The following RBFOX1 variants were observed in gnomAD, a reference collection of about 807,000 sequenced individuals.
RBFOX1 encodes RNA binding protein fox-1 homolog 1.
Under a neutral mutation model 57.7 loss-of-function variants are expected in RBFOX1, and 8 were observed. The ratio of observed to expected loss-of-function variants is 0.14; its 90% CI spans 0.08 to 0.25. RBFOX1 has a LOEUF of 0.25. RBFOX1 is among the 10% of genes least tolerant of loss of function. The pLI, the probability that RBFOX1 is intolerant of heterozygous loss-of-function variation, is 1.00. For missense variants in RBFOX1, 611 were observed against 548.5 expected (o/e 1.11, Z -1.14); for synonymous variants, 326 against 222.4 (o/e 1.47, Z -4.15).
chr16:6,848,605 A>G (rs7196508), intron 3 of RBFOX1, among the ~76,000 whole-genome samples: 72,310 of 151,600 alleles, frequency 0.48, 18,276 homozygotes, highest in African/African-American at 0.64. Context: ...GAAAGAGAAG[A>G]TGTATGTGTA....
intron 3 of RBFOX1, among the ~76,000 whole-genome samples, chr16:5,657,718 C>T (rs370633565): frequency 8.2e-5 from 9 of 109,124 alleles, no homozygotes; most frequent in Admixed American, 2.3e-4. Context: ...TTCTCTCTTT[C>T]TTTTGTTTCT....
At chr16:6,737,410 G>C (rs546229015) in intron 3 of RBFOX1, among the ~76,000 whole-genome samples, 121 of 152,242 alleles carry the variant, frequency 7.9e-4, no homozygotes, top group African/African-American at 2.8e-3. Context: ...TCATGTAAGT[G>C]TGCATCACAG....
At chr16:6,794,341 G>A (rs1249844975) in intron 3 of RBFOX1, among the ~76,000 whole-genome samples, 1 of 147,022 alleles carries the variant, frequency 6.8e-6, no homozygotes, top group African/African-American at 2.5e-5. Flanking sequence ...CAAACATGAG[G>A]CATTCTCAAA....
chr16:7,567,739 C>CTG (rs1555612900), intron 5 of RBFOX1, among the ~76,000 whole-genome samples: 1 of 138,630 alleles, frequency 7.2e-6, no homozygotes. Flanking sequence ...TATATAATCC[C>CTG]TATATATATC....
At chr16:5,532,308 C>G (rs1484842452) in intron 2 of RBFOX1, among the ~76,000 whole-genome samples, 1 of 152,200 alleles carries the variant, frequency 6.6e-6, no homozygotes, top group Non-Finnish European at 1.5e-5. Context: ...TGGGGAGCAA[C>G]ATCGCCATCA....
chr16:6,563,652 T>C (rs527541399), intron 2 of RBFOX1, among the ~76,000 whole-genome samples: 1 of 152,156 alleles, frequency 6.6e-6, no homozygotes, highest in South Asian at 2.1e-4. Flanking sequence ...ACGACCGTTA[T>C]CAGCAACGTG....
chr16:5,616,598 C>G (rs2048031922), intron 3 of RBFOX1, among the ~76,000 whole-genome samples: 1 of 149,486 alleles, frequency 6.7e-6, no homozygotes, highest in African/African-American at 2.5e-5. Flanking sequence ...CCCTCCTCCT[C>G]CTCCTCTTCC....
At chr16:7,533,181 C>A (rs2080565830) in intron 5 of RBFOX1, among the ~76,000 whole-genome samples, 2 of 152,156 alleles carry the variant, frequency 1.3e-5, no homozygotes, top group Admixed American at 1.3e-4. Context: ...GATACTCTTT[C>A]AGGTCGTCTG....
intron 11 of RBFOX1, among the ~76,000 whole-genome samples, chr16:7,645,015 A>G (rs923219908): frequency 6.6e-6 from 1 of 152,176 alleles, no homozygotes; most frequent in African/African-American, 2.4e-5. Context: ...TTACAATCTT[A>G]TTCCCGAAGT....
chr16:6,859,143 A>ATATATATATG (rs1216051183), intron 3 of RBFOX1, among the ~76,000 whole-genome samples: 7 of 88,094 alleles, frequency 7.9e-5, no homozygotes, highest in African/African-American at 2.8e-4. Context: ...ATATATACGT[A>ATATATATATG]TATATATATG....
rs959880690 is a variant in RBFOX1 at position 5,949,249 on chromosome 16, C to A, written c.351+81914C>A. ...TCCTCACAGCTGTCCCAGAAGTGTC[C>A]TTTCTAGCTATCTTTAAAAAAAGAA... On this transcript the variant is annotated intron_variant, in intron 4 of 19. Coordinates refer to the RBFOX1 transcript ENST00000641259. 2.6e-5 allele frequency among the ~76,000 whole-genome samples: 4 copies of A among 152,206 alleles called. No homozygotes were observed. The East Asian group carries it at 7.7e-4, about 29-fold the overall frequency.
chr16:6,110,646 G>A (rs2096435315), intron 1 of RBFOX1, among the ~76,000 whole-genome samples: 1 of 152,176 alleles, frequency 6.6e-6, no homozygotes, highest in South Asian at 2.1e-4. Context: ...CACTCCACGA[G>A]TGGCATGAAA....
intron 3 of RBFOX1, among the ~76,000 whole-genome samples, chr16:6,918,387 C>T (rs370740935): frequency 3.9e-5 from 6 of 152,092 alleles, no homozygotes; most frequent in East Asian, 3.9e-4. Context: ...ACAAGCTACC[C>T]GGGTGATTCT....
intron 4 of RBFOX1, among the ~76,000 whole-genome samples, chr16:7,069,776 T>A (rs894976708): frequency 1.3e-5 from 2 of 152,120 alleles, no homozygotes; most frequent in Admixed American, 1.3e-4. Context: ...CAGTTGCCCA[T>A]AGTGGGCACT....
rs373129501 is a variant in RBFOX1, at chr16:6,773,951, G to A, written c.-16+119301G>A. On this transcript the variant is annotated intron_variant, in intron 3 of 15. Coordinates refer to ENST00000550418, the MANE Select transcript of RBFOX1 (RefSeq NM_018723.4). ...GGAGTGTGTTTGTGTGTGTGCACAC[G>A]CACATGGTTCTCATGGTCCTCCCGT... The A allele has an allele frequency of 1.8e-5, 18 of 984,958 alleles. No individual in the cohort carries two copies. The East Asian group carries it at 3.4e-4, about 19-fold the overall frequency. The allele number at this position is 984,958 out of a possible 1,614,324, so 61.0% of individuals were successfully genotyped here.
intron 3 of RBFOX1, among the ~76,000 whole-genome samples, chr16:6,949,955 G>GT (rs1308989254): frequency 5.5e-5 from 6 of 109,172 alleles, no homozygotes; most frequent in South Asian, 3.0e-4. Flanking sequence ...TGTTGTTGTT[G>GT]TTGTTTTTTG....
At chr16:7,412,338 C>T (rs559593769) in intron 4 of RBFOX1, among the ~76,000 whole-genome samples, 2 of 149,954 alleles carry the variant, frequency 1.3e-5, no homozygotes, top group Non-Finnish European at 3.0e-5. Context: ...TCACTTGAAC[C>T]TAGGAGCTAG....
At chr16:6,320,326 C>T (rs1209673594) in intron 2 of RBFOX1, among the ~76,000 whole-genome samples, 1 of 152,006 alleles carries the variant, frequency 6.6e-6, no homozygotes, top group Non-Finnish European at 1.5e-5. Context: ...GAAGCTCAGG[C>T]TTCAGCATTT....
intron 4 of RBFOX1, among the ~76,000 whole-genome samples, chr16:7,486,336 T>C (rs1276908583): frequency 1.3e-5 from 2 of 152,012 alleles, no homozygotes; most frequent in East Asian, 3.9e-4. Flanking sequence ...TTTCACCATG[T>C]TGGCCAGGCT....
Sources: gnomAD v4.1 joint callset for allele counts (sites outside exome capture counted in the v4.1 genomes callset) on GRCh38, gnomAD v4.1.1 for gene constraint, MANE v1.5 for transcripts, NCBI Gene and HGNC (gene_info 2026-07-23, HGNC 2026-07-21) for gene names.